KIRREL3: variants seen among roughly 807,000 people sequenced by gnomAD.
The protein encoded by KIRREL3 is kin of IRRE-like protein 3.
In KIRREL3, 36 loss-of-function variants were observed where a neutral mutation model predicts 89.7. The ratio of observed to expected loss-of-function variants is 0.40; its 90% CI spans 0.31 to 0.53. KIRREL3 has a LOEUF of 0.53. Ranked by LOEUF, KIRREL3 falls within the 20% of genes least tolerant of loss-of-function variation. KIRREL3 has a pLI of 0.49. For missense variants in KIRREL3, 864 were observed against 1,056.6 expected, an observed-to-expected ratio of 0.82 and a Z score of 2.53; for synonymous variants, 445 against 441.4, an observed-to-expected ratio of 1.01 and a Z score of -0.10.
rs1950134393 is a variant in KIRREL3 at position 126,994,897 on chromosome 11, A to G, written c.55+5558T>C. Among the ~76,000 whole-genome samples, 1 of 152,144 alleles carries G rather than the reference A, an allele frequency of 6.6e-6. No individual in the cohort carries two copies. Among genetic ancestry groups the G allele is most frequent in the African/African-American group, 2.4e-5 (1 of 41,448 alleles). Reference sequence around the variant, plus strand: ...CCCCAACCATGAGAGAAGTATTCTGATGATCTATAAGGTATCTATGTTCTT... The same window carrying G: ...CCCCAACCATGAGAGAAGTATTCTGGTGATCTATAAGGTATCTATGTTCTT... On this transcript the variant is annotated intron_variant, in intron 1 of 16. Transcript: ENST00000525144. This position sits in a 1 kb window ranked among gnomAD's most constrained non-coding sequence, Gnocchi z 5.2.
Position 126,906,988 on chromosome 11 carries a change from C to A in KIRREL3, c.55+93467G>T, listed in dbSNP as rs887554945. Among the ~76,000 whole-genome samples the A allele has an allele frequency of 2.6e-5, 4 of 152,318 alleles. No homozygotes were observed. The highest frequency in any genetic ancestry group is 5.9e-5 in the Non-Finnish European group (4 of 68,030). ...GAGGGAAGCAGACCTAGGAAGGAAT[C>A]CTTAGTTTCCTTTTGTTGTACAAGG... On this transcript the variant is annotated intron_variant, in intron 1 of 16. Transcript: ENST00000525144. The surrounding 1 kb of genome is among the most constrained non-coding windows in gnomAD (Gnocchi z 4.1).
chr11:126,584,378 C>A (rs1291919006), intron 1 of KIRREL3, among the ~76,000 whole-genome samples: 1 of 152,240 alleles, frequency 6.6e-6, no homozygotes, highest in African/African-American at 2.4e-5. Context: ...CTTCTGCCTA[C>A]TCCTGGAACT....
Position 126,440,471 on chromosome 11 carries a change from C to G in KIRREL3, c.1331G>C (p.Ser444Thr). The part of the protein sequence containing the change: ...EKGQIKCFIR[S>T]TPPPDRIAWS... ...CACGATGCGGTCCGGCGGCGGCGTGCTCCGGATGAAGCACTTGATCTGGCC... is the reference window on the plus strand; with the variant it reads ...CACGATGCGGTCCGGCGGCGGCGTGGTCCGGATGAAGCACTTGATCTGGCC... Residue 444 changes from serine to threonine, a missense_variant, in exon 11 of 17, where the codon AGC (serine) becomes ACC (threonine). By Grantham distance (58) the Ser-to-Thr change is moderately conservative. Coordinates refer to ENST00000525144, the MANE Select transcript of KIRREL3 (RefSeq NM_032531.4). 1 of 1,589,310 alleles carries G rather than the reference C, an allele frequency of 6.3e-7. No homozygotes were observed. The highest frequency in any genetic ancestry group is 1.2e-5 in the South Asian group (1 of 86,826).
At chr11:126,616,190 T>C (rs1943340108) in intron 1 of KIRREL3, among the ~76,000 whole-genome samples, 1 of 152,154 alleles carries the variant, frequency 6.6e-6, no homozygotes, top group Non-Finnish European at 1.5e-5. Context: ...GAGATGGCGT[T>C]GCCCGTTCAT....
In KIRREL3 at chr11:126,783,100, C is replaced by G. The variant is rs1476423903; in HGVS notation, c.55+217355G>C. Among the ~76,000 whole-genome samples, 1 of 152,200 alleles carries G rather than the reference C, an allele frequency of 6.6e-6. No individual in the cohort carries two copies. Among genetic ancestry groups the G allele is most frequent in the Non-Finnish European group, 1.5e-5 (1 of 68,044 alleles). On this transcript the variant is annotated intron_variant, in intron 1 of 16. Transcript: ENST00000525144. The surrounding 1 kb of genome is among the most constrained non-coding windows in gnomAD (Gnocchi z 4.3). ...GCTAAGAGCAACAGAAATTTATTCT[C>G]TCACAGTTCCGGAGAATGCACGTTT... is the stretch of plus-strand genomic sequence containing the variant.
In KIRREL3 at chr11:126,812,252, G is replaced by C. The variant is rs1225892134; in HGVS notation, c.55+188203C>G. Among the ~76,000 whole-genome samples, 1 of 152,120 alleles carries C rather than the reference G, an allele frequency of 6.6e-6. No homozygotes were observed. The highest frequency in any genetic ancestry group is 2.4e-5 in the African/African-American group (1 of 41,416). On this transcript the variant is annotated intron_variant, in intron 1 of 16. Coordinates refer to ENST00000525144, the MANE Select transcript of KIRREL3 (RefSeq NM_032531.4). The surrounding 1 kb of genome is among the most constrained non-coding windows in gnomAD (Gnocchi z 5.2). ...TTTGGGGTCCTTAGGATAGCGCTGT[G>C]TATATGGCAGGCACTCATTACTATT...
At chr11:126,956,771 A>C (rs768180084) in intron 1 of KIRREL3, among the ~76,000 whole-genome samples, 1 of 152,200 alleles carries the variant, frequency 6.6e-6, no homozygotes, top group Non-Finnish European at 1.5e-5. Context: ...CGAGTGCTTC[A>C]GTTTTCCATT....
At chr11:126,800,876 A>C (rs1167264044) in intron 1 of KIRREL3, among the ~76,000 whole-genome samples, 1 of 152,230 alleles carries the variant, frequency 6.6e-6, no homozygotes, top group Non-Finnish European at 1.5e-5. Context: ...ATGGTGGAGC[A>C]GAGTGGCTGC....
chr11:126,756,913 C>T (rs1655538213), intron 1 of KIRREL3, among the ~76,000 whole-genome samples: 1 of 152,218 alleles, frequency 6.6e-6, no homozygotes, highest in Admixed American at 6.5e-5. Flanking sequence ...GAAGGCACCA[C>T]CTGCACTCAA....
At chr11:126,721,528 T>G (rs1948169391) in intron 1 of KIRREL3, among the ~76,000 whole-genome samples, 1 of 35,516 alleles carries the variant, frequency 2.8e-5, no homozygotes, top group Non-Finnish European at 6.0e-5. Flanking sequence ...AAACTCCGTC[T>G]CAAAAAAAAA....
At position 126,561,288 on chromosome 11, in the gene KIRREL3, CAT is replaced by C. The variant is rs1940099995; in HGVS notation, c.133+1545_133+1546del. Among the ~76,000 whole-genome samples, 1 of 152,192 alleles carries C rather than the reference CAT, an allele frequency of 6.6e-6. No individual in the cohort carries two copies. Among genetic ancestry groups the C allele is most frequent in the Non-Finnish European group, 1.5e-5 (1 of 68,036 alleles). On this transcript the variant is annotated intron_variant, in intron 2 of 16. Transcript: ENST00000525144. The surrounding 1 kb of genome is among the most constrained non-coding windows in gnomAD (Gnocchi z 4.5). ...GAGTTGTTAGTTGAGATTTCTAACT[CAT>C]CACACATGTTGGCTCAGCTTGCATC...
chr11:126,539,662 A>G (rs978898332), intron 2 of KIRREL3, among the ~76,000 whole-genome samples: 8 of 152,092 alleles, frequency 5.3e-5, no homozygotes, highest in African/African-American at 1.7e-4. Flanking sequence ...CAGGAGGAGA[A>G]GCGCGCTTGA....
intron 1 of KIRREL3, among the ~76,000 whole-genome samples, chr11:126,661,313 C>G (rs1945392837): frequency 6.6e-6 from 1 of 152,178 alleles, no homozygotes; most frequent in Non-Finnish European, 1.5e-5. Context: ...AGAACAGATA[C>G]TATTGTCAGA....
intron 8 of KIRREL3, among the ~76,000 whole-genome samples, chr11:126,448,704 C>CCAGGAAGAGACT (rs1216414237): frequency 1.3e-5 from 2 of 152,140 alleles, no homozygotes; most frequent in African/African-American, 2.4e-5. Flanking sequence ...TGCCTGCAAG[C>CCAGGAAGAGACT]CAGGAAGAGA....
At chr11:126,841,899 G>A (rs965775782) in intron 1 of KIRREL3, among the ~76,000 whole-genome samples, 62 of 152,138 alleles carry the variant, frequency 4.1e-4, no homozygotes, top group Admixed American at 1.8e-3. Context: ...TTCATACATC[G>A]TCAAGGTGGA....
intron 1 of KIRREL3, among the ~76,000 whole-genome samples, chr11:126,753,998 G>A (rs1446907317): frequency 6.6e-6 from 1 of 152,158 alleles, no homozygotes; most frequent in East Asian, 1.9e-4. Flanking sequence ...GAGGGGAATA[G>A]CCTACTTTGT....
intron 1 of KIRREL3, among the ~76,000 whole-genome samples, chr11:126,577,800 G>A (rs1244851998): frequency 1.3e-5 from 2 of 151,834 alleles, no homozygotes; most frequent in African/African-American, 4.8e-5. Context: ...CCTTTCTCTG[G>A]TCTAGACGTC....
At chr11:126,539,576 G>T (rs761272554) in intron 2 of KIRREL3, among the ~76,000 whole-genome samples, 2 of 152,318 alleles carry the variant, frequency 1.3e-5, no homozygotes, top group Admixed American at 1.3e-4. Context: ...GCCATTTGGG[G>T]GTAGAACTGA....
Position 126,797,335 on chromosome 11 carries a change from A to G in KIRREL3, c.55+203120T>C, listed in dbSNP as rs982597351. ...AAGAGCTGTGTTGAGCATCAAATGC[A>G]TCTGATTCTCAGCGTAATATCTGGC... On this transcript the variant is annotated intron_variant, in intron 1 of 16. Coordinates refer to ENST00000525144, the MANE Select transcript of KIRREL3 (RefSeq NM_032531.4). This position sits in a 1 kb window ranked among gnomAD's most constrained non-coding sequence, Gnocchi z 4.9. Among the ~76,000 whole-genome samples, 6 of 152,356 alleles carry G rather than the reference A, an allele frequency of 3.9e-5. 1 individual carries two copies. Among genetic ancestry groups the G allele is most frequent in the African/African-American group, 9.6e-5 (4 of 41,590 alleles).
Sources: allele counts gnomAD v4.1 joint callset (sites outside exome capture counted in the v4.1 genomes callset), GRCh38; gene constraint gnomAD v4.1.1; non-coding constraint Gnocchi (gnomAD v3.1); transcripts MANE v1.5; gene names NCBI Gene and HGNC (gene_info 2026-07-23, HGNC 2026-07-21).